NRG3: variants seen among roughly 807,000 people sequenced by gnomAD.
NRG3 encodes neuregulin 3.
A neutral mutation model predicts 66.9 loss-of-function variants in NRG3; 31 were observed. That is an observed-to-expected ratio of 0.46 (90% confidence interval 0.35 to 0.63). NRG3 has a LOEUF of 0.63. NRG3 is among the 20% of genes least tolerant of loss of function. The probability of loss-of-function intolerance (pLI) is 0.00; values close to 1 mark genes in which losing one functional copy is unlikely to be tolerated. For synonymous variants in NRG3, 393 were observed against 359.4 expected, an observed-to-expected ratio of 1.09 and a Z score of -1.06; for missense variants, 910 against 878.9, an observed-to-expected ratio of 1.04 and a Z score of -0.45.
At chr10:82,222,161 A>C (rs1261617574) in intron 1 of NRG3, among the ~76,000 whole-genome samples, 1 of 152,006 alleles carries the variant, frequency 6.6e-6, no homozygotes, top group Non-Finnish European at 1.5e-5. Context: ...GTAATACCTT[A>C]TGGTATTTTA....
intron 2 of NRG3, among the ~76,000 whole-genome samples, chr10:82,582,667 T>C (rs867491598): frequency 7.4e-6 from 1 of 134,896 alleles, no homozygotes; most frequent in African/African-American, 3.4e-5. Flanking sequence ...ATGTGTTGTG[T>C]GTGTGTGTGT....
At chr10:82,520,811 T>A (rs1195890589) in intron 2 of NRG3, among the ~76,000 whole-genome samples, 1 of 152,220 alleles carries the variant, frequency 6.6e-6, no homozygotes, top group African/African-American at 2.4e-5. Context: ...ATTCTTTCCC[T>A]GTCCTTTCTG....
In NRG3 at chr10:81,966,757, T is replaced by G. The variant is rs150443579; in HGVS notation, c.823+90594T>G. On this transcript the variant is annotated intron_variant, in intron 1 of 8. Transcript: ENST00000372141. ...CTTTCTCAGTGGTTATTTTACTGTT[T>G]AGATAATTCTCTTTGACCCAGTTTT... is the stretch of plus-strand genomic sequence containing the variant. 1.0e-3 allele frequency among the ~76,000 whole-genome samples: 157 copies of G among 152,324 alleles called. 1 individual carries two copies. The East Asian group carries it at 0.021, about 21-fold the overall frequency.
intron 3 of NRG3, among the ~76,000 whole-genome samples, chr10:82,761,901 T>C (rs2059318044): frequency 6.7e-6 from 1 of 148,720 alleles, no homozygotes; most frequent in Non-Finnish European, 1.5e-5. Context: ...CTTCCTTCCG[T>C]TCTTTCTTCT....
At chr10:82,031,105 T>C (rs755464474) in intron 1 of NRG3, among the ~76,000 whole-genome samples, 20 of 152,152 alleles carry the variant, frequency 1.3e-4, no homozygotes, top group Non-Finnish European at 2.6e-4. Context: ...CCGTAAAACA[T>C]TTTACAGTAC....
At chr10:82,484,264 G>C (rs1326054354) in intron 2 of NRG3, among the ~76,000 whole-genome samples, 2 of 152,150 alleles carry the variant, frequency 1.3e-5, no homozygotes, top group East Asian at 1.9e-4. Flanking sequence ...TTAAGTTTCA[G>C]AATTAATCTA....
In NRG3 at chr10:82,352,371, A is replaced by G. The variant is rs537150496; in HGVS notation, c.824-6368A>G. 2.6e-5 allele frequency among the ~76,000 whole-genome samples: 4 copies of G among 152,316 alleles called. No individual in the cohort carries two copies. The East Asian group carries it at 7.7e-4, about 29-fold the overall frequency. Reference sequence around the variant, plus strand: ...CATTTTTGTTAGACTTTGATAAATCATCTCAAAGGCTAGGCCTCCCAGACG... The same window carrying G: ...CATTTTTGTTAGACTTTGATAAATCGTCTCAAAGGCTAGGCCTCCCAGACG... On this transcript the variant is annotated intron_variant, in intron 1 of 8. Coordinates refer to ENST00000372141, the MANE Select transcript of NRG3 (RefSeq NM_001010848.4).
At chr10:82,621,348 C>G (rs531001283) in intron 2 of NRG3, among the ~76,000 whole-genome samples, 38 of 152,158 alleles carry the variant, frequency 2.5e-4, no homozygotes, top group Non-Finnish European at 5.0e-4. Context: ...ACAAACAGAC[C>G]TGGGGAAAAT....
chr10:82,758,189 A>G (rs1380439949), intron 3 of NRG3, among the ~76,000 whole-genome samples: 1 of 151,768 alleles, frequency 6.6e-6, no homozygotes, highest in Non-Finnish European at 1.5e-5. Context: ...TGCTCCAGTA[A>G]CCTCCCTGAA....
At chr10:81,908,588 A>G (rs1352663768) in intron 1 of NRG3, among the ~76,000 whole-genome samples, 1 of 152,214 alleles carries the variant, frequency 6.6e-6, no homozygotes, top group African/African-American at 2.4e-5. Context: ...CCCCAGCCAT[A>G]TGATTACGGG....
chr10:82,196,031 T>G (rs1014360575), intron 1 of NRG3, among the ~76,000 whole-genome samples: 21 of 152,228 alleles, frequency 1.4e-4, no homozygotes, highest in Admixed American at 1.1e-3. Flanking sequence ...TGTGCTGTTT[T>G]AAGCCATAAA....
chr10:82,516,236 T>C (rs143747744), intron 2 of NRG3, among the ~76,000 whole-genome samples: 5 of 152,244 alleles, frequency 3.3e-5, no homozygotes, highest in Non-Finnish European at 7.4e-5. Context: ...GGTTTGTCTA[T>C]GACATTCTCA....
chr10:82,103,352 T>C (rs1156722316), intron 1 of NRG3, among the ~76,000 whole-genome samples: 1 of 152,168 alleles, frequency 6.6e-6, no homozygotes, highest in Non-Finnish European at 1.5e-5. Context: ...GTTCTGAACA[T>C]ATTGTGACAT....
At chr10:82,014,217 G>T (rs1051133543) in intron 1 of NRG3, among the ~76,000 whole-genome samples, 1 of 152,134 alleles carries the variant, frequency 6.6e-6, no homozygotes, top group African/African-American at 2.4e-5. Context: ...CAGTTCCTCT[G>T]TGCTACTTCC....
intron 1 of NRG3, among the ~76,000 whole-genome samples, chr10:82,348,493 T>C (rs1292255438): frequency 9.3e-5 from 14 of 150,734 alleles, no homozygotes; most frequent in Admixed American, 7.3e-4. Context: ...CTCTGGCTGC[T>C]CTTAACATTT....
At chr10:82,789,323 C>T (rs1431625224) in intron 3 of NRG3, among the ~76,000 whole-genome samples, 1 of 151,954 alleles carries the variant, frequency 6.6e-6, no homozygotes, top group Non-Finnish European at 1.5e-5. Flanking sequence ...ATAATGTGTC[C>T]ATTTTTAAAT....
chr10:82,424,561 A>T (rs990074624), intron 2 of NRG3, among the ~76,000 whole-genome samples: 1 of 152,094 alleles, frequency 6.6e-6, no homozygotes, highest in Non-Finnish European at 1.5e-5. Context: ...GGCATATGAC[A>T]TCCAAATATT....
At chr10:82,084,015 G>T (rs1019406589) in intron 1 of NRG3, among the ~76,000 whole-genome samples, 31 of 151,692 alleles carry the variant, frequency 2.0e-4, no homozygotes, top group African/African-American at 7.0e-4. Context: ...ATTATCTGAG[G>T]TTGGGAGTTC....
In NRG3 at chr10:81,875,924, C is replaced by T. The variant is rs1211201871; in HGVS notation, c.584C>T (p.Ser195Phe). Residue 195 changes from serine (S) to phenylalanine (F), a missense_variant, in exon 1 of 9, where the codon TCC (serine) becomes TTC (phenylalanine). Ser to Phe is a radical substitution (Grantham distance 155, BLOSUM62 -2). Coordinates refer to ENST00000372141, the MANE Select transcript of NRG3 (RefSeq NM_001010848.4). This position sits in a 1 kb window ranked among gnomAD's most constrained non-coding sequence, Gnocchi z 5.3. Reference sequence around the variant, plus strand: ...ACTGCGGCCCCTGCGACGGTCCCGTCCACCACGGCCCCGTTCTTCAGTAGC... The same window carrying T: ...ACTGCGGCCCCTGCGACGGTCCCGTTCACCACGGCCCCGTTCTTCAGTAGC... ...RNTAAPATVPSTTAPFFSSST... is the reference protein window; with the variant it reads ...RNTAAPATVPFTTAPFFSSST... The T allele has an allele frequency of 6.2e-7, 1 of 1,613,394 alleles. No homozygotes were observed. Among genetic ancestry groups the T allele is most frequent in the Non-Finnish European group, 8.5e-7 (1 of 1,180,020 alleles).
Sources: allele counts gnomAD v4.1 joint callset (sites outside exome capture counted in the v4.1 genomes callset), GRCh38; gene constraint gnomAD v4.1.1; non-coding constraint Gnocchi (gnomAD v3.1); transcripts MANE v1.5; gene names NCBI Gene and HGNC (gene_info 2026-07-23, HGNC 2026-07-21).